Variants in DENND6A observed in about 807,000 individuals in gnomAD.
The protein encoded by DENND6A is protein DENND6A.
A neutral mutation model predicts 95.5 loss-of-function variants in DENND6A; 43 were observed. The ratio of observed to expected loss-of-function variants is 0.45; its 90% confidence interval spans 0.35 to 0.58. The LOEUF (loss-of-function observed/expected upper bound fraction) is 0.58, where lower values mean the gene tolerates loss of function less well. Among genes scored for constraint, DENND6A ranks in the 20% least tolerant of loss-of-function variants. The probability of loss-of-function intolerance (pLI) is 0.00; values close to 1 mark genes in which losing one functional copy is unlikely to be tolerated. For missense variants in DENND6A, 574 were observed against 736.0 expected (o/e 0.78, Z 2.55); for synonymous variants, 257 against 260.4 (o/e 0.99, Z 0.13).
At chr3:57,688,157 C>T (rs145884941) in intron 1 of DENND6A, among the ~76,000 whole-genome samples, 253 of 151,738 alleles carry the variant, frequency 1.7e-3, no homozygotes, top group African/African-American at 6.0e-3. Flanking sequence ...CACCAAGCTG[C>T]CTATTTTTGT....
intron 1 of DENND6A, among the ~76,000 whole-genome samples, chr3:57,679,903 C>T (rs543196107): frequency 5.9e-5 from 9 of 151,952 alleles, no homozygotes; most frequent in Non-Finnish European, 1.0e-4. Context: ...AACAGCAGCT[C>T]GGGAGGAAAA....
intron 12 of DENND6A, among the ~76,000 whole-genome samples, chr3:57,637,374 T>C (rs997849817): frequency 2.6e-5 from 4 of 152,192 alleles, no homozygotes; most frequent in Non-Finnish European, 4.4e-5. Context: ...AAGCAATCCC[T>C]TTATATCAGG....
At chr3:57,663,463 C>CAAAA (rs1189672713) in intron 5 of DENND6A, among the ~76,000 whole-genome samples, 173 bp downstream of exon 5, 274 of 51,878 alleles carry the variant, frequency 5.3e-3, no homozygotes, top group Middle Eastern at 0.033. Context: ...GACTCCACCT[C>CAAAA]AAAAAAAAAA....
At chr3:57,667,923 G>A (rs541584715) in intron 3 of DENND6A, among the ~76,000 whole-genome samples, 10 of 151,968 alleles carry the variant, frequency 6.6e-5, no homozygotes, top group East Asian at 1.9e-4. Context: ...AAAATTAGCC[G>A]GATGCGGTGG....
rs1224061876 is a variant in DENND6A at position 57,626,204 on chromosome 3, G to A, written c.*2010C>T. The A allele has an allele frequency of 6.6e-6, 1 of 152,562 alleles. No individual in the cohort carries two copies. The highest frequency in any genetic ancestry group is 1.5e-5 in the Non-Finnish European group (1 of 68,022). The allele number at this position is 152,562 out of a possible 1,614,324, so 9.5% of individuals were successfully genotyped here. A position where few individuals can be genotyped will look rare whatever the true frequency, so the allele number is the denominator to read the frequency against. On this transcript the variant is annotated 3_prime_UTR_variant, in exon 20 of 20. Transcript: ENST00000311128. ...ATGCTTCAAGAGACTGTATCCATAAGAACAGGGCACATTTGGGTATTAGAC... is the reference window on the plus strand; with the variant it reads ...ATGCTTCAAGAGACTGTATCCATAAAAACAGGGCACATTTGGGTATTAGAC...
intron 1 of DENND6A, among the ~76,000 whole-genome samples, chr3:57,685,744 A>C (rs1303421148): frequency 6.6e-6 from 1 of 152,124 alleles, no homozygotes; most frequent in Non-Finnish European, 1.5e-5. Flanking sequence ...TTTTTAAAAA[A>C]AAATTTGTTT....
intron 15 of DENND6A, 150 bp downstream of exon 15, chr3:57,633,115 G>T: frequency 1.5e-6 from 1 of 650,774 alleles, no homozygotes; most frequent in Non-Finnish European, 2.6e-6. Flanking sequence ...AGATAATCCA[G>T]GTCTCTTGCA....
chr3:57,675,023 A>T (rs112945825), intron 1 of DENND6A, among the ~76,000 whole-genome samples: 1 of 152,208 alleles, frequency 6.6e-6, no homozygotes, highest in African/African-American at 2.4e-5. Flanking sequence ...TAACTATTGG[A>T]TACTGGGCTT....
At position 57,666,336 on chromosome 3, in the gene DENND6A, A is replaced by T. The variant is rs191914963; in HGVS notation, c.320-101T>A. 14 of 939,472 alleles carry T rather than the reference A, an allele frequency of 1.5e-5. No individual in the cohort carries two copies. The Admixed American group carries it at 2.6e-4, about 17-fold the overall frequency. 58.2% of individuals were successfully genotyped at this position (939,472 alleles called of 1,614,324 possible). A position where few individuals can be genotyped will look rare whatever the true frequency, so the allele number is the denominator to read the frequency against. ...GAAAAAAATCCTATCAATCATTTTA[A>T]CCCATTCTGTCATGTTTTGGAGGAA... On this transcript the variant is annotated intron_variant, in intron 3 of 19. Transcript: ENST00000311128.
At chr3:57,673,615 TG>T (rs2071657996) in intron 1 of DENND6A, among the ~76,000 whole-genome samples, 2 of 152,202 alleles carry the variant, frequency 1.3e-5, no homozygotes, top group African/African-American at 4.8e-5. Flanking sequence ...GATAAATGCT[TG>T]AAGTGATGGA....
At chr3:57,670,799 T>A (rs868209474) in intron 3 of DENND6A, among the ~76,000 whole-genome samples, 3 of 152,178 alleles carry the variant, frequency 2.0e-5, no homozygotes, top group African/African-American at 4.8e-5. Context: ...GAGAAGAGCA[T>A]CCAGCATAAT....
intron 4 of DENND6A, among the ~76,000 whole-genome samples, chr3:57,664,749 C>A (rs2071500005): frequency 6.6e-6 from 1 of 152,184 alleles, no homozygotes; most frequent in Non-Finnish European, 1.5e-5. Context: ...AGGAGAATCG[C>A]TTGAACCCAG....
At chr3:57,685,808 T>A (rs969712039) in intron 1 of DENND6A, among the ~76,000 whole-genome samples, 4 of 152,212 alleles carry the variant, frequency 2.6e-5, no homozygotes. Context: ...TATTGCAATA[T>A]GTTGTTCTGG....
chr3:57,692,971 C>T lies in DENND6A; in HGVS notation c.48G>A (p.Pro16=), dbSNP rs575683987. 3 of 1,533,696 alleles carry T rather than the reference C, an allele frequency of 2.0e-6. No individual in the cohort carries two copies. The highest frequency in any genetic ancestry group is 2.9e-5 in the African/African-American group (2 of 70,106). The change falls in exon 1 of 20, where the codon CCG becomes CCA. Residue 16 remains proline (P), a synonymous_variant. Transcript: ENST00000311128. ...CGGCCCCTGCCACCGCTTCGTCCAACGGCCTTCGAGAGCCGGGCCCCAAGC... is the reference window on the plus strand; with the variant it reads ...CGGCCCCTGCCACCGCTTCGTCCAATGGCCTTCGAGAGCCGGGCCCCAAGC... ...PAGLGPGSRR[P]LDEAVAGAEG...
intron 3 of DENND6A, among the ~76,000 whole-genome samples, chr3:57,667,176 G>A (rs908115362): frequency 1.4e-4 from 22 of 152,010 alleles, no homozygotes; most frequent in African/African-American, 4.1e-4. Context: ...TTACAGGTGC[G>A]TGCCACCACG....
intron 1 of DENND6A, among the ~76,000 whole-genome samples, chr3:57,681,646 G>GA (rs1454820966): frequency 6.9e-6 from 1 of 144,004 alleles, no homozygotes; most frequent in Non-Finnish European, 1.5e-5. Flanking sequence ...AAGAAAGAAA[G>GA]AAAGAAAAAA....
At chr3:57,664,493 A>T (rs1231771309) in intron 4 of DENND6A, among the ~76,000 whole-genome samples, 2 of 152,186 alleles carry the variant, frequency 1.3e-5, no homozygotes, top group African/African-American at 4.8e-5. Flanking sequence ...AAGATGCATA[A>T]GACACAGTTC....
At chr3:57,671,245 C>A (rs1429359066) in intron 3 of DENND6A, among the ~76,000 whole-genome samples, 1 of 152,184 alleles carries the variant, frequency 6.6e-6, no homozygotes, top group African/African-American at 2.4e-5. Flanking sequence ...AAGTAACCGG[C>A]CGGGTGTGGT....
chr3:57,630,401 C>T lies in DENND6A; in HGVS notation c.1620+20G>A. 6.4e-7 allele frequency: 1 copy of T among 1,563,228 alleles called. No individual in the cohort carries two copies. Among genetic ancestry groups the T allele is most frequent in the South Asian group, 1.2e-5 (1 of 81,858 alleles). ...TTTTCAACAGTTGTTAATCATTACA[C>T]AAACACACAGTTTTCGAACCTCTTC... is the stretch of plus-strand genomic sequence containing the variant. On this transcript the variant is annotated intron_variant, in intron 18 of 19. Coordinates refer to ENST00000311128, the MANE Select transcript of DENND6A (RefSeq NM_152678.3).
Sources: gnomAD v4.1 joint callset for allele counts (sites outside exome capture counted in the v4.1 genomes callset) on GRCh38, gnomAD v4.1.1 for gene constraint, MANE v1.5 for transcripts, NCBI Gene and HGNC (gene_info 2026-07-23, HGNC 2026-07-21) for gene names.